Variants in SGIP1 observed in about 807,000 individuals in gnomAD.
SGIP1 encodes SH3-containing GRB2-like protein 3-interacting protein 1.
Under a neutral mutation model 107.5 loss-of-function variants are expected in SGIP1, and 38 were observed. That is an observed-to-expected ratio of 0.35 (90% CI 0.27 to 0.46). The LOEUF is 0.46. Among genes scored for constraint, SGIP1 ranks in the 20% least tolerant of loss-of-function variants. SGIP1 has a pLI of 1.00. For missense variants in SGIP1, 929 were observed against 1,019.5 expected (o/e 0.91, Z 1.21); for synonymous variants, 365 against 366.1 (o/e 1.00, Z 0.03).
intron 1 of SGIP1, among the ~76,000 whole-genome samples, chr1:66,585,645 T>TTTTTG (rs991207998): frequency 1.5e-4 from 23 of 151,910 alleles, no homozygotes; most frequent in Middle Eastern, 3.4e-3. Flanking sequence ...TTTTTGTGGT[T>TTTTTG]TTTTGTTTTG....
intron 1 of SGIP1, among the ~76,000 whole-genome samples, chr1:66,535,396 G>A (rs2053364176): frequency 6.6e-6 from 1 of 152,186 alleles, no homozygotes; most frequent in African/African-American, 2.4e-5. Flanking sequence ...ATGGCAGAGA[G>A]GCCACCTCTT....
rs111711484 is a variant in SGIP1, at chr1:66,641,998, C to T, written c.229-812C>T. 4.4e-3 allele frequency among the ~76,000 whole-genome samples: 666 copies of T among 152,304 alleles called. 5 individuals carry two copies. The highest frequency in any genetic ancestry group is 0.015 in the African/African-American group (641 of 41,570). ...TATCCTTAGCACATCTTGCCTGAAT[C>T]GATGCACATGTTTTAAATTAGTTTT... On this transcript the variant is annotated intron_variant, in intron 5 of 24. Transcript: ENST00000371037.
At chr1:66,584,342 T>C (rs1386605379) in intron 1 of SGIP1, among the ~76,000 whole-genome samples, 2 of 152,184 alleles carry the variant, frequency 1.3e-5, no homozygotes, top group Non-Finnish European at 2.9e-5. Flanking sequence ...AATAAATTTA[T>C]GTTCCTCAAA....
At chr1:66,733,695 G>A (rs899428056) in intron 20 of SGIP1, 53 bp from the exon 21 acceptor site, 4 of 1,586,964 alleles carry the variant, frequency 2.5e-6, no homozygotes, top group East Asian at 2.3e-5. Flanking sequence ...TTCGTGTAGG[G>A]TTTATATTTG....
At chr1:66,736,481 G>A (rs1159244683) in intron 21 of SGIP1, among the ~76,000 whole-genome samples, 3 of 51,852 alleles carry the variant, frequency 5.8e-5, no homozygotes, top group African/African-American at 1.4e-4. Context: ...AATATATTGC[G>A]TATTATATGT....
chr1:66,683,544 A>G (rs1268103257), intron 15 of SGIP1, among the ~76,000 whole-genome samples: 1 of 152,084 alleles, frequency 6.6e-6, no homozygotes, highest in East Asian at 1.9e-4. Context: ...TTATATCTTT[A>G]GATGTGTATG....
At chr1:66,656,336 A>T (rs956456192) in intron 7 of SGIP1, among the ~76,000 whole-genome samples, 1 of 152,220 alleles carries the variant, frequency 6.6e-6, no homozygotes, top group Non-Finnish European at 1.5e-5. Context: ...GCTGTTTTAC[A>T]GTTAGTTAAC....
chr1:66,731,784 T>C (rs2094022043), intron 20 of SGIP1, among the ~76,000 whole-genome samples: 1 of 152,216 alleles, frequency 6.6e-6, no homozygotes, highest in Admixed American at 6.5e-5. Context: ...GTTTCCTTAA[T>C]GTTTACTGAA....
Position 66,745,562 on chromosome 1 carries a change from A to T in SGIP1, c.*2467A>T, listed in dbSNP as rs1261689881. The T allele has an allele frequency of 6.6e-6, 1 of 152,108 alleles. No individual in the cohort carries two copies. Among genetic ancestry groups the T allele is most frequent in the Non-Finnish European group, 1.5e-5 (1 of 67,950 alleles). The allele number at this position is 152,108 out of a possible 1,614,324, so 9.4% of individuals were successfully genotyped here. ...TCCTGAAAATGGTCCCAGGCAATGA[A>T]AGAGTCTCAGTTATCAAAGACATTA... On this transcript the variant is annotated 3_prime_UTR_variant, in exon 25 of 25. Transcript: ENST00000371037.
chr1:66,634,434 G>T lies in SGIP1; in HGVS notation c.99+1340G>T, dbSNP rs1289986640. On this transcript the variant is annotated intron_variant, in intron 3 of 24. Transcript: ENST00000371037. ...TGAGCAGCACCAACTTAAATCTCTGGTAGAATGTGCACCCTGGTACCTGGT... is the reference window on the plus strand; with the variant it reads ...TGAGCAGCACCAACTTAAATCTCTGTTAGAATGTGCACCCTGGTACCTGGT... 3.9e-5 allele frequency among the ~76,000 whole-genome samples: 6 copies of T among 152,176 alleles called. 2 individuals carry two copies. Among genetic ancestry groups the T allele is most frequent in the Admixed American group, 3.9e-4 (6 of 15,282 alleles).
intron 2 of SGIP1, among the ~76,000 whole-genome samples, chr1:66,627,649 G>C (rs979084479): frequency 6.6e-6 from 1 of 152,098 alleles, no homozygotes; most frequent in Non-Finnish European, 1.5e-5. Context: ...TTTATTTCAA[G>C]AATATTACAT....
In SGIP1 at chr1:66,739,373, G is replaced by A. The variant is rs1374585518; in HGVS notation, c.2070G>A (p.Leu690=). 6.2e-7 allele frequency: 1 copy of A among 1,613,992 alleles called. No individual in the cohort carries two copies. Among genetic ancestry groups the A allele is most frequent in the Non-Finnish European group, 8.5e-7 (1 of 1,180,022 alleles). ...GCATTCAGTCCACACCTCTGAACCTGGCAGTGAATTGGCGATGTGAGCCTT... is the reference window on the plus strand; with the variant it reads ...GCATTCAGTCCACACCTCTGAACCTAGCAGTGAATTGGCGATGTGAGCCTT... ...AQGIQSTPLN[L]AVNWRCEPSS... is the part of the protein sequence containing the mutation. Residue 690 remains leucine, a synonymous_variant, in exon 22 of 25, where the codon CTG becomes CTA. Coordinates refer to ENST00000371037, the MANE Select transcript of SGIP1 (RefSeq NM_032291.4).
At chr1:66,591,528 T>G (rs1215520220) in intron 1 of SGIP1, among the ~76,000 whole-genome samples, 1 of 152,162 alleles carries the variant, frequency 6.6e-6, no homozygotes, top group Non-Finnish European at 1.5e-5. Flanking sequence ...CCCCTACACA[T>G]GCACAGCCTC....
chr1:66,728,778 A>G (rs532425028), intron 19 of SGIP1, among the ~76,000 whole-genome samples: 20 of 152,230 alleles, frequency 1.3e-4, no homozygotes, highest in Non-Finnish European at 2.4e-4. Context: ...AGCCATAAAA[A>G]AAGAATGAGA....
At chr1:66,660,155 G>GA (rs1338180158) in intron 7 of SGIP1, 1 of 49,290 alleles carries the variant, frequency 2.0e-5, no homozygotes, top group Non-Finnish European at 3.2e-5. Context: ...GAGAAAGAAA[G>GA]AAAGAAAGAA....
intron 1 of SGIP1, among the ~76,000 whole-genome samples, chr1:66,553,404 G>A (rs1377928643): frequency 6.6e-6 from 1 of 151,868 alleles, no homozygotes; most frequent in East Asian, 1.9e-4. Flanking sequence ...GGCTGGACGT[G>A]GTAGTTCACA....
At chr1:66,595,334 C>T (rs765081621) in intron 1 of SGIP1, among the ~76,000 whole-genome samples, 3 of 152,166 alleles carry the variant, frequency 2.0e-5, no homozygotes, top group Non-Finnish European at 4.4e-5. Context: ...AAATTCTTCT[C>T]ATCACTGACC....
chr1:66,583,905 A>G (rs1239991585), intron 1 of SGIP1, among the ~76,000 whole-genome samples: 3 of 152,156 alleles, frequency 2.0e-5, no homozygotes. Context: ...ATAAAGGTTA[A>G]TGTTTCATCT....
intron 8 of SGIP1, among the ~76,000 whole-genome samples, chr1:66,662,217 T>C (rs2081639243): frequency 6.6e-6 from 1 of 152,212 alleles, no homozygotes; most frequent in East Asian, 1.9e-4. Context: ...AATCCTTTCC[T>C]AGAAAATTCT....
Sources: allele counts gnomAD v4.1 joint callset (sites outside exome capture counted in the v4.1 genomes callset), GRCh38; gene constraint gnomAD v4.1.1; transcripts MANE v1.5; gene names NCBI Gene and HGNC (gene_info 2026-07-23, HGNC 2026-07-21).